PDE4D: variants seen among roughly 807,000 people sequenced by gnomAD.
PDE4D encodes phosphodiesterase 4D, also known as 3',5'-cyclic-AMP phosphodiesterase 4D.
Under a neutral mutation model 87.4 loss-of-function variants are expected in PDE4D, and 24 were observed. The ratio of observed to expected loss-of-function variants is 0.27; its 90% confidence interval spans 0.20 to 0.39. The LOEUF (loss-of-function observed/expected upper bound fraction) is 0.39. PDE4D is among the 10% of genes least tolerant of loss of function. The pLI, the probability that PDE4D is intolerant of heterozygous loss-of-function variation, is 1.00. For synonymous variants in PDE4D, 384 were observed against 383.2 expected, an observed-to-expected ratio of 1.00 and a Z score of -0.02; for missense variants, 714 against 1,041.0, an observed-to-expected ratio of 0.69 and a Z score of 4.32.
rs148501713 is a variant in PDE4D at position 60,028,484 on chromosome 5, C to T, written c.43-39767G>A. On this transcript the variant is annotated intron_variant, in intron 2 of 16. Transcript: ENST00000502484. ...TTGTGAAATTTTTCTAATTGGTCTT[C>T]CTCAGTATAATTTTTCCTTCCCTCC... is the stretch of plus-strand genomic sequence containing the variant. Among the ~76,000 whole-genome samples the T allele has an allele frequency of 4.5e-3, 685 of 152,232 alleles. 3 individuals carry two copies. Among genetic ancestry groups the T allele is most frequent in the Middle Eastern group, 6.8e-3 (2 of 294 alleles).
At chr5:60,106,579 C>T (rs534652414) in intron 2 of PDE4D, among the ~76,000 whole-genome samples, 1 of 151,358 alleles carries the variant, frequency 6.6e-6, no homozygotes, top group African/African-American at 2.4e-5. Context: ...CACACCACAC[C>T]TATTCCAAAA....
chr5:60,298,659 C>T (rs760447797), intron 1 of PDE4D, among the ~76,000 whole-genome samples: 11 of 152,162 alleles, frequency 7.2e-5, no homozygotes, highest in South Asian at 6.2e-4. Context: ...CTACTAAGAA[C>T]GATTTGTGAA....
chr5:60,406,134 G>A (rs563837224), intron 1 of PDE4D, among the ~76,000 whole-genome samples: 1 of 151,526 alleles, frequency 6.6e-6, no homozygotes, highest in South Asian at 2.1e-4. Context: ...ACAACAATAA[G>A]ACAAAATTTC....
intron 1 of PDE4D, among the ~76,000 whole-genome samples, chr5:60,245,118 A>T (rs1231044037): frequency 1.3e-5 from 2 of 152,042 alleles, no homozygotes; most frequent in African/African-American, 4.8e-5. Context: ...TCTAATTTAA[A>T]AATGGGTGAA....
intron 1 of PDE4D, among the ~76,000 whole-genome samples, chr5:59,225,168 A>AT (rs1382729776): frequency 7.2e-5 from 11 of 152,184 alleles, no homozygotes; most frequent in Admixed American, 2.0e-4. Context: ...TCTTGAGTGG[A>AT]TTTTTTGTGT....
At chr5:60,068,214 C>G (rs750888693) in intron 2 of PDE4D, among the ~76,000 whole-genome samples, 1 of 152,176 alleles carries the variant, frequency 6.6e-6, no homozygotes, top group Non-Finnish European at 1.5e-5. Context: ...TTCTGTACAT[C>G]CTCGTCAACA....
intron 1 of PDE4D, among the ~76,000 whole-genome samples, chr5:59,466,578 T>C (rs906428277): frequency 1.3e-5 from 2 of 152,218 alleles, no homozygotes; most frequent in Admixed American, 1.3e-4. Flanking sequence ...AAACCTCTGC[T>C]ACTGTTTTTT....
intron 3 of PDE4D, among the ~76,000 whole-genome samples, chr5:59,936,668 T>A (rs565174790): frequency 6.6e-6 from 1 of 152,342 alleles, no homozygotes; most frequent in South Asian, 2.1e-4. Context: ...TCTTTCAGTT[T>A]CATTGCAAAA....
intron 2 of PDE4D, among the ~76,000 whole-genome samples, chr5:60,119,528 T>C (rs769726017): frequency 2.6e-5 from 4 of 152,216 alleles, no homozygotes; most frequent in Non-Finnish European, 5.9e-5. Flanking sequence ...TCCTCTGGAA[T>C]TAGATTTTCT....
chr5:59,126,454 A>AT (rs1223359474), intron 5 of PDE4D, among the ~76,000 whole-genome samples: 2 of 152,180 alleles, frequency 1.3e-5, no homozygotes, highest in African/African-American at 4.8e-5. Context: ...AATTTTTACA[A>AT]TTTTTTAAAG....
At chr5:59,278,415 C>G (rs1325004064) in intron 1 of PDE4D, among the ~76,000 whole-genome samples, 1 of 152,102 alleles carries the variant, frequency 6.6e-6, no homozygotes, top group Non-Finnish European at 1.5e-5. Flanking sequence ...GATTATTTCT[C>G]AGTATTTCCC....
intron 1 of PDE4D, among the ~76,000 whole-genome samples, chr5:60,462,583 C>T (rs147341562): frequency 1.2e-3 from 182 of 152,248 alleles, no homozygotes; most frequent in African/African-American, 3.9e-3. Context: ...ACCACATAAA[C>T]GGAGTATCTC....
intron 3 of PDE4D, among the ~76,000 whole-genome samples, chr5:59,976,913 T>C (rs1156625002): frequency 6.6e-6 from 1 of 152,224 alleles, no homozygotes; most frequent in East Asian, 1.9e-4. Context: ...CCACAAACCA[T>C]GCCCATGTAA....
At chr5:59,824,607 CTAAA>C (rs1469591808) in intron 1 of PDE4D, among the ~76,000 whole-genome samples, 4 of 152,150 alleles carry the variant, frequency 2.6e-5, no homozygotes, top group Admixed American at 6.5e-5. Flanking sequence ...TTTCAAAAAT[CTAAA>C]TAAATCAATT....
intron 1 of PDE4D, among the ~76,000 whole-genome samples, chr5:60,230,345 A>G (rs1745652605): frequency 6.6e-6 from 1 of 152,108 alleles, no homozygotes; most frequent in Admixed American, 6.6e-5. Flanking sequence ...GAGGTTCTGA[A>G]GAAAAAACAA....
At chr5:60,066,449 A>C (rs1262519356) in intron 2 of PDE4D, among the ~76,000 whole-genome samples, 1 of 152,108 alleles carries the variant, frequency 6.6e-6, no homozygotes, top group Non-Finnish European at 1.5e-5. Context: ...CAACCAACTC[A>C]GTTCATTGCA....
At chr5:59,632,571 G>A (rs1399978333) in intron 1 of PDE4D, among the ~76,000 whole-genome samples, 3 of 152,182 alleles carry the variant, frequency 2.0e-5, no homozygotes, top group Non-Finnish European at 4.4e-5. Flanking sequence ...TTGCTGTTCT[G>A]CAGGCTCTGC....
At chr5:60,140,868 G>A (rs1780465565) in intron 2 of PDE4D, among the ~76,000 whole-genome samples, 1 of 152,114 alleles carries the variant, frequency 6.6e-6, no homozygotes, top group African/African-American at 2.4e-5. Flanking sequence ...TCACACTTAG[G>A]AGATTGTTTG....
chr5:60,513,408 C>T (rs1170818452), intron 1 of PDE4D, among the ~76,000 whole-genome samples: 1 of 152,010 alleles, frequency 6.6e-6, no homozygotes, highest in Non-Finnish European at 1.5e-5. Context: ...AAAGTATATG[C>T]TCCTAATAAC....
Sources: gnomAD v4.1 joint callset for allele counts (sites outside exome capture counted in the v4.1 genomes callset) on GRCh38, gnomAD v4.1.1 for gene constraint, MANE v1.5 for transcripts, NCBI Gene and HGNC (gene_info 2026-07-23, HGNC 2026-07-21) for gene names.